Variants in ZBP1 observed in about 807,000 individuals in gnomAD.
ZBP1 encodes Z-DNA binding protein 1.
Under a neutral mutation model 41.1 loss-of-function variants are expected in ZBP1, and 42 were observed. The ratio of observed to expected loss-of-function variants is 1.02; its 90% CI spans 0.80 to 1.32. The LOEUF (loss-of-function observed/expected upper bound fraction) is 1.32. Among genes scored for constraint, ZBP1 ranks in the 40% most tolerant of loss-of-function variants. ZBP1 has a pLI of 0.00. For synonymous variants in ZBP1, 214 were observed against 205.2 expected, an observed-to-expected ratio of 1.04 and a Z score of -0.37; for missense variants, 562 against 549.7, an observed-to-expected ratio of 1.02 and a Z score of -0.22.
chr20:57,610,528 C>T lies in ZBP1; in HGVS notation c.875-161G>A. The T allele has an allele frequency of 1.5e-6, 1 of 671,556 alleles. No homozygotes were observed. The highest frequency in any genetic ancestry group is 1.8e-5 in the South Asian group (1 of 54,530). 41.6% of individuals were successfully genotyped at this position (671,556 alleles called of 1,614,324 possible). On this transcript the variant is annotated intron_variant, in intron 6 of 7. Coordinates refer to ENST00000371173, the MANE Select transcript of ZBP1 (RefSeq NM_030776.3). This position sits in a 1 kb window ranked among gnomAD's most constrained non-coding sequence, Gnocchi z 5.5. ...GCCTGCCCGCCACACCTCCACCCGC[C>T]ACACCTCCGCTCGTGCTGTTGTGCT...
In ZBP1 at chr20:57,613,351, G is replaced by C. The variant is rs768171772; in HGVS notation, c.503-21C>G. The stretch of plus-strand genomic sequence containing the variant: ...ATCTTCTGCAAAATAATATTCAACT[G>C]TATCCCTTTGCCACTGTCTATGGGT... On this transcript the variant is annotated intron_variant, in intron 4 of 7. Coordinates refer to ENST00000371173, the MANE Select transcript of ZBP1 (RefSeq NM_030776.3). The surrounding 1 kb of genome is among the most constrained non-coding windows in gnomAD (Gnocchi z 4.5). The C allele has an allele frequency of 1.2e-6, 2 of 1,606,870 alleles. No individual in the cohort carries two copies. The highest frequency in any genetic ancestry group is 1.7e-5 in the Admixed American group (1 of 59,988).
chr20:57,609,780 A>G (rs1247913728), intron 7 of ZBP1, among the ~76,000 whole-genome samples: 1 of 152,034 alleles, frequency 6.6e-6, no homozygotes, highest in Non-Finnish European at 1.5e-5. Flanking sequence ...TCACCACAAC[A>G]ATGATGAGAC....
In ZBP1 at chr20:57,604,921, T is replaced by G. The variant is rs999297175; in HGVS notation, c.1094-152A>C. 6.8e-6 allele frequency: 5 copies of G among 738,828 alleles called. No homozygotes were observed. The African/African-American group carries it at 7.1e-5, about 11-fold the overall frequency. 45.8% of individuals were successfully genotyped at this position (738,828 alleles called of 1,614,324 possible). A position where few individuals can be genotyped will look rare whatever the true frequency, so the allele number is the denominator to read the frequency against. ...AAAGTCTTGAACAGGGAGCCCCACC[T>G]TTTCACTTTGCACTGGGCCCCCAGA... On this transcript the variant is annotated intron_variant, in intron 7 of 7. Coordinates refer to ENST00000371173, the MANE Select transcript of ZBP1 (RefSeq NM_030776.3).
Position 57,613,167 on chromosome 20 carries a change from C to T in ZBP1, c.666G>A (p.Glu222=). 6.2e-7 allele frequency: 1 copy of T among 1,614,204 alleles called. No individual in the cohort carries two copies. Among genetic ancestry groups the T allele is most frequent in the Non-Finnish European group, 8.5e-7 (1 of 1,180,042 alleles). ...NIITRQTVSR[E]DGSAGPRHLP... ...GGGCTCTCTTGGGTGACTTACCGTC[C>T]TCCCTGGAGACTGTCTGTCTTGTAA... The change falls in exon 5 of 8, where the codon GAG becomes GAA. Residue 222 remains glutamate (E), a synonymous_variant. Coordinates refer to ENST00000371173, the MANE Select transcript of ZBP1 (RefSeq NM_030776.3). The surrounding 1 kb of genome is among the most constrained non-coding windows in gnomAD (Gnocchi z 4.5).
At chr20:57,619,905 C>T (rs951548343) in intron 1 of ZBP1, among the ~76,000 whole-genome samples, 6 of 151,402 alleles carry the variant, frequency 4.0e-5, no homozygotes, top group African/African-American at 1.5e-4. Context: ...GGCGACATCT[C>T]AGCTCACTAC....
rs768157474 is a variant in ZBP1, at chr20:57,610,812, GC to G, written c.875-446del. ...TGAAGAATCATCCACACTGAGTCCCGCCCCCTCCACCCCCGAGACCTCTTCT... is the reference window on the plus strand; with the variant it reads ...TGAAGAATCATCCACACTGAGTCCCGCCCCTCCACCCCCGAGACCTCTTCT... On this transcript the variant is annotated intron_variant, in intron 6 of 7. Coordinates refer to ENST00000371173, the MANE Select transcript of ZBP1 (RefSeq NM_030776.3). The surrounding 1 kb of genome is among the most constrained non-coding windows in gnomAD (Gnocchi z 5.5). 3.5e-5 allele frequency: 8 copies of G among 226,104 alleles called. No individual in the cohort carries two copies. Among genetic ancestry groups the G allele is most frequent in the Non-Finnish European group, 5.3e-5 (6 of 114,116 alleles). 14.0% of individuals were successfully genotyped at this position (226,104 alleles called of 1,614,324 possible).
chr20:57,611,800 T>A lies in ZBP1; in HGVS notation c.801A>T (p.Gly267=), dbSNP rs201295565. 1.5e-4 allele frequency: 246 copies of A among 1,612,580 alleles called. No homozygotes were observed. Among genetic ancestry groups the A allele is most frequent in the Non-Finnish European group, 1.7e-4 (198 of 1,179,614 alleles). Residue 267 remains glycine, a synonymous_variant, in exon 6 of 8, where the codon GGA becomes GGT. Coordinates refer to ENST00000371173, the MANE Select transcript of ZBP1 (RefSeq NM_030776.3). ...EQSILRRVQL[G]HSNEMRLHGV... Reference sequence around the variant, plus strand: ...CGTGGAGCCTCATCTCATTGCTGTGTCCCAGCTGCACCCGTCTCAGTATGG... The same window carrying A: ...CGTGGAGCCTCATCTCATTGCTGTGACCCAGCTGCACCCGTCTCAGTATGG...
chr20:57,613,195 A>C lies in ZBP1; in HGVS notation c.638T>G (p.Ile213Ser). The C allele has an allele frequency of 6.2e-7, 1 of 1,614,072 alleles. No homozygotes were observed. The highest frequency in any genetic ancestry group is 8.5e-7 in the Non-Finnish European group (1 of 1,180,028). The change falls in exon 5 of 8, where the codon ATC becomes AGC. Residue 213 changes from isoleucine (I) to serine (S), a missense_variant. Transcript: ENST00000371173. This position sits in a 1 kb window ranked among gnomAD's most constrained non-coding sequence, Gnocchi z 4.5. ...SEAIQIGHGN[I>S]ITRQTVSRED... ...CCTGGAGACTGTCTGTCTTGTAATG[A>C]TGTTCCCGTGTCCAATCTGGATGGC...
intron 1 of ZBP1, among the ~76,000 whole-genome samples, chr20:57,618,955 C>A (rs2070922682): frequency 6.6e-6 from 1 of 152,228 alleles, no homozygotes; most frequent in African/African-American, 2.4e-5. Flanking sequence ...AGATGGGGGT[C>A]AGAGGTGTGG....
intron 5 of ZBP1, 135 bp from the exon 6 acceptor site, chr20:57,612,065 G>T: frequency 1.0e-6 from 1 of 967,720 alleles, no homozygotes; most frequent in Non-Finnish European, 1.5e-6. Context: ...TTCAGGCTCT[G>T]GCTTAGAGAG....
intron 5 of ZBP1, among the ~76,000 whole-genome samples, chr20:57,612,292 A>G (rs2070695963): frequency 6.6e-6 from 1 of 152,212 alleles, no homozygotes; most frequent in South Asian, 2.1e-4. Flanking sequence ...ACTGCCAGGG[A>G]CAACATTTAT....
At chr20:57,605,589 A>G (rs892633760) in intron 7 of ZBP1, among the ~76,000 whole-genome samples, 1 of 152,092 alleles carries the variant, frequency 6.6e-6, no homozygotes, top group Non-Finnish European at 1.5e-5. Context: ...CCCTCTCCTC[A>G]GGCCTCCCTA....
chr20:57,618,873 G>T (rs577621369), intron 1 of ZBP1, among the ~76,000 whole-genome samples: 1 of 152,154 alleles, frequency 6.6e-6, no homozygotes, highest in Non-Finnish European at 1.5e-5. Flanking sequence ...GAGCCACTGC[G>T]CCTGGCCGCA....
At chr20:57,607,030 G>A (rs970902783) in intron 7 of ZBP1, 2 of 1,285,270 alleles carry the variant, frequency 1.6e-6, no homozygotes, top group East Asian at 1.1e-4. Context: ...TGCAGCCCAT[G>A]GATTAAGGAG....
In ZBP1 at chr20:57,613,320, T is replaced by C; in HGVS notation, c.513A>G (p.Gly171=). 1 of 1,613,416 alleles carries C rather than the reference T, an allele frequency of 6.2e-7. No homozygotes were observed. The highest frequency in any genetic ancestry group is 8.5e-7 in the Non-Finnish European group (1 of 1,179,998). ...TAATTGAGGCTGACTTTGCTCTTCT[T>C]CCAGAATCTTCTGCAAAATAATATT... The part of the protein sequence containing the change: ...AWTIYRPEDS[G]RRAKSASIIY... The change falls in exon 5 of 8, where the codon GGA becomes GGG. Residue 171 remains glycine, a synonymous_variant. Coordinates refer to ENST00000371173, the MANE Select transcript of ZBP1 (RefSeq NM_030776.3). This position sits in a 1 kb window ranked among gnomAD's most constrained non-coding sequence, Gnocchi z 4.5.
chr20:57,620,131 C>T (rs1352357070), intron 1 of ZBP1, 131 bp downstream of exon 1: 2 of 1,152,262 alleles, frequency 1.7e-6, no homozygotes, highest in Non-Finnish European at 2.5e-6. Flanking sequence ...CCACCACGCC[C>T]AGCTGGTCTA....
intron 4 of ZBP1, 22 bp downstream of exon 4, chr20:57,614,865 A>T (rs2070774174): frequency 1.2e-6 from 2 of 1,613,348 alleles, no homozygotes; most frequent in Non-Finnish European, 1.7e-6. Context: ...TGCAGCCCAG[A>T]CACAGGCAGC....
Position 57,613,355 on chromosome 20 carries a change from C to T in ZBP1, c.503-25G>A. 4 of 1,605,134 alleles carry T rather than the reference C, an allele frequency of 2.5e-6. No individual in the cohort carries two copies. Among genetic ancestry groups the T allele is most frequent in the Non-Finnish European group, 3.4e-6 (4 of 1,177,840 alleles). ...TCTGCAAAATAATATTCAACTGTAT[C>T]CCTTTGCCACTGTCTATGGGTCAGG... On this transcript the variant is annotated intron_variant, in intron 4 of 7. Transcript: ENST00000371173. The surrounding 1 kb of genome is among the most constrained non-coding windows in gnomAD (Gnocchi z 4.5).
At chr20:57,618,284 G>A (rs1006818484) in intron 1 of ZBP1, among the ~76,000 whole-genome samples, 4 of 152,210 alleles carry the variant, frequency 2.6e-5, no homozygotes, top group Non-Finnish European at 4.4e-5. Flanking sequence ...GGAAAGACCT[G>A]AGTTCCCCTT....
Sources: gnomAD v4.1 joint callset for allele counts (sites outside exome capture counted in the v4.1 genomes callset) on GRCh38, gnomAD v4.1.1 for gene constraint, Gnocchi (gnomAD v3.1) non-coding constraint, MANE v1.5 for transcripts, NCBI Gene and HGNC (gene_info 2026-07-23, HGNC 2026-07-21) for gene names.